Variants in BRAF observed in about 807,000 individuals in gnomAD.
BRAF encodes B-Raf proto-oncogene, serine/threonine kinase, also known as serine/threonine-protein kinase B-raf.
Under a neutral mutation model 104.6 loss-of-function variants are expected in BRAF, and 16 were observed. That is an observed-to-expected ratio of 0.15 (90% confidence interval 0.10 to 0.23). The LOEUF is 0.23. Ranked by LOEUF, BRAF falls within the 10% of genes least tolerant of loss-of-function variation. BRAF has a pLI of 1.00. For missense variants in BRAF, 541 were observed against 937.3 expected, an observed-to-expected ratio of 0.58 and a Z score of 5.52; for synonymous variants, 310 against 341.6, an observed-to-expected ratio of 0.91 and a Z score of 1.02.
At chr7:140,900,375 T>C (rs1309197460) in intron 1 of BRAF, among the ~76,000 whole-genome samples, 1 of 152,216 alleles carries the variant, frequency 6.6e-6, no homozygotes, top group Non-Finnish European at 1.5e-5. Context: ...TCCCCTTTTG[T>C]ATTGAATCTT....
Position 140,719,847 on chromosome 7 carries a change from T to C in BRAF, c.*6647A>G. ...CCAGACTCCACGAGAACCTTTTCAA[T>C]GCTTGAGTGGAACTGAAGTGTACTA... is the stretch of plus-strand genomic sequence containing the variant. On this transcript the variant is annotated 3_prime_UTR_variant, in exon 20 of 20. Coordinates refer to ENST00000644969, the MANE Select transcript of BRAF (RefSeq NM_001374258.1). The C allele has an allele frequency of 5.6e-6, 6 of 1,063,144 alleles. No individual in the cohort carries two copies. Among genetic ancestry groups the C allele is most frequent in the Non-Finnish European group, 6.8e-6 (6 of 877,894 alleles). The allele number at this position is 1,063,144 out of a possible 1,614,324, so 65.9% of individuals were successfully genotyped here. A position where few individuals can be genotyped will look rare whatever the true frequency, so the allele number is the denominator to read the frequency against.
chr7:140,743,856 G>A (rs1214721215), intron 17 of BRAF, among the ~76,000 whole-genome samples: 2 of 152,170 alleles, frequency 1.3e-5, no homozygotes, highest in Admixed American at 6.5e-5. Context: ...AATGGGTAAC[G>A]AGTCTGTTGG....
At chr7:140,804,350 G>A (rs1463767109) in intron 5 of BRAF, among the ~76,000 whole-genome samples, 1 of 150,312 alleles carries the variant, frequency 6.7e-6, no homozygotes, top group Non-Finnish European at 1.5e-5. Flanking sequence ...GACTATAGGC[G>A]CACACCATCA....
At chr7:140,871,767 A>G (rs1294943335) in intron 1 of BRAF, among the ~76,000 whole-genome samples, 2 of 152,226 alleles carry the variant, frequency 1.3e-5, no homozygotes, top group African/African-American at 2.4e-5. Context: ...TATATAAACT[A>G]ACATTAAATA....
intron 19 of BRAF, among the ~76,000 whole-genome samples, chr7:140,729,709 C>G (rs1795828682): frequency 6.6e-6 from 1 of 152,000 alleles, no homozygotes. Flanking sequence ...ACCCGGGAGG[C>G]AGAGGCTGCA....
chr7:140,870,905 T>C (rs1298593749), intron 1 of BRAF, among the ~76,000 whole-genome samples: 3 of 151,226 alleles, frequency 2.0e-5, no homozygotes, highest in Non-Finnish European at 4.4e-5. Context: ...TTAACAAATT[T>C]GGTTTAGATG....
intron 7 of BRAF, among the ~76,000 whole-genome samples, chr7:140,795,960 A>AT (rs1802452393): frequency 6.6e-6 from 1 of 152,126 alleles, no homozygotes; most frequent in Non-Finnish European, 1.5e-5. Flanking sequence ...TAGCTAGAAA[A>AT]TTTTAGGAGC....
rs571343163 is a variant in BRAF at position 140,821,756 on chromosome 7, G to C, written c.505-12761C>G. 1.1e-4 allele frequency among the ~76,000 whole-genome samples: 16 copies of C among 152,160 alleles called. No homozygotes were observed. The South Asian group carries it at 1.5e-3, about 14-fold the overall frequency. On this transcript the variant is annotated intron_variant, in intron 3 of 19. Transcript: ENST00000644969. ...GGTATATATACATCCAAAAGAAAAT[G>C]AATCATTCTACGAAAAAACCACATA... is the stretch of plus-strand genomic sequence containing the variant.
rs538477187 is a variant in BRAF, at chr7:140,858,704, T to C, written c.139-8492A>G. On this transcript the variant is annotated intron_variant, in intron 1 of 19. Transcript: ENST00000644969. Reference sequence around the variant, plus strand: ...GATGTAAGATGATAGAATTTTAACCTTCCTACATATGATATTTTGGTTAAA... The same window carrying C: ...GATGTAAGATGATAGAATTTTAACCCTCCTACATATGATATTTTGGTTAAA... Among the ~76,000 whole-genome samples the C allele has an allele frequency of 6.6e-5, 10 of 152,274 alleles. No individual in the cohort carries two copies. In the East Asian group the frequency reaches 1.9e-3, roughly 29 times the overall value.
At chr7:140,854,569 G>C (rs941675439) in intron 1 of BRAF, among the ~76,000 whole-genome samples, 1 of 152,020 alleles carries the variant, frequency 6.6e-6, no homozygotes, top group Non-Finnish European at 1.5e-5. Context: ...ATGGGAGAGA[G>C]AAAGTGGGGG....
chr7:140,829,545 A>AT (rs1300432574), intron 3 of BRAF, among the ~76,000 whole-genome samples: 1 of 152,040 alleles, frequency 6.6e-6, no homozygotes, highest in African/African-American at 2.4e-5. Flanking sequence ...GATACCTATT[A>AT]TATTCCACTG....
chr7:140,903,481 C>T (rs1320608653), intron 1 of BRAF, among the ~76,000 whole-genome samples: 2 of 152,190 alleles, frequency 1.3e-5, no homozygotes, highest in African/African-American at 4.8e-5. Flanking sequence ...TACTCATTGA[C>T]AATGTGCCTG....
intron 1 of BRAF, among the ~76,000 whole-genome samples, chr7:140,904,524 A>C (rs908394152): frequency 6.6e-6 from 1 of 152,208 alleles, no homozygotes; most frequent in African/African-American, 2.4e-5. Flanking sequence ...TCTAAGATAT[A>C]TCAAGTTGTG....
chr7:140,872,931 A>C (rs550886604), intron 1 of BRAF, among the ~76,000 whole-genome samples: 1 of 152,308 alleles, frequency 6.6e-6, no homozygotes, highest in Admixed American at 6.5e-5. Flanking sequence ...GGAATAAAAA[A>C]CAAGAATCAG....
chr7:140,905,807 G>T (rs1165165564), intron 1 of BRAF, among the ~76,000 whole-genome samples: 1 of 152,120 alleles, frequency 6.6e-6, no homozygotes, highest in African/African-American at 2.4e-5. Context: ...TTAAAACATA[G>T]GCCGGGCGCG....
chr7:140,742,685 C>G (rs188679581), intron 17 of BRAF, among the ~76,000 whole-genome samples: 1 of 152,252 alleles, frequency 6.6e-6, no homozygotes, highest in Admixed American at 6.5e-5. Flanking sequence ...GTCTAAAACA[C>G]CAAAAGCAAT....
intron 10 of BRAF, 73 bp from the exon 10 acceptor site, chr7:140,783,230 G>A (rs1801049300): frequency 6.4e-7 from 1 of 1,562,014 alleles, no homozygotes; most frequent in African/African-American, 1.4e-5. Flanking sequence ...GTAGAAGGTT[G>A]GGGGATATTT....
Position 140,850,228 on chromosome 7 carries a change from A to G in BRAF, c.139-16T>C, listed in dbSNP as rs1809013029. 7.1e-6 allele frequency: 11 copies of G among 1,543,536 alleles called. No homozygotes were observed. Among genetic ancestry groups the G allele is most frequent in the Non-Finnish European group, 9.8e-6 (11 of 1,119,026 alleles). ...TATTCCACACCTAAAAAATATTTCAAAAGAATTTAAATAAAAATCACTTAG... is the reference window on the plus strand; with the variant it reads ...TATTCCACACCTAAAAAATATTTCAGAAGAATTTAAATAAAAATCACTTAG... On this transcript the variant is annotated splice_polypyrimidine_tract_variant and intron_variant, in intron 1 of 19. Transcript: ENST00000644969.
chr7:140,895,549 T>C (rs1162255652), intron 1 of BRAF, among the ~76,000 whole-genome samples: 1 of 152,176 alleles, frequency 6.6e-6, no homozygotes, highest in African/African-American at 2.4e-5. Context: ...TAATTTTGTA[T>C]CCATGAATAA....
Sources: allele counts gnomAD v4.1 joint callset (sites outside exome capture counted in the v4.1 genomes callset), GRCh38; gene constraint gnomAD v4.1.1; transcripts MANE v1.5; gene names NCBI Gene and HGNC (gene_info 2026-07-23, HGNC 2026-07-21).